SCAF8: variants seen among roughly 807,000 people sequenced by gnomAD.
SCAF8 encodes the protein SR-related and CTD-associated factor 8.
SCAF8 carries 23 observed loss-of-function variants against 140.5 expected under a neutral mutation model. The observed-to-expected ratio is 0.16, with a 90% CI of 0.12 to 0.23. The LOEUF is 0.23. Among genes scored for constraint, SCAF8 ranks in the 10% least tolerant of loss-of-function variants. The probability of loss-of-function intolerance (pLI) is 1.00; values close to 1 mark genes in which losing one functional copy is unlikely to be tolerated. For missense variants in SCAF8, 1,397 were observed against 1,555.7 expected, an observed-to-expected ratio of 0.90 and a Z score of 1.72; for synonymous variants, 575 against 528.9, an observed-to-expected ratio of 1.09 and a Z score of -1.20.
intron 4 of SCAF8, among the ~76,000 whole-genome samples, chr6:154,791,653 A>AG (rs397739239): frequency 6.6e-6 from 1 of 151,944 alleles, no homozygotes. Context: ...TTTTTAAAAA[A>AG]TGTGTTGACA....
chr6:154,783,741 A>AT (rs1777152265), intron 3 of SCAF8, among the ~76,000 whole-genome samples: 1 of 152,102 alleles, frequency 6.6e-6, no homozygotes, highest in Non-Finnish European at 1.5e-5. Context: ...TCTCTTTGAT[A>AT]TTTTTCCAGA....
intron 2 of SCAF8, among the ~76,000 whole-genome samples, chr6:154,776,486 CTTTCAGTTAAGA>C (rs1356420713): frequency 5.9e-5 from 9 of 152,110 alleles, no homozygotes; most frequent in Non-Finnish European, 7.4e-5. Context: ...AATTAATAAA[CTTTCAGTTAAGA>C]TTTATGAAGT....
chr6:154,826,065 T>C (rs981181954), intron 17 of SCAF8, among the ~76,000 whole-genome samples: 5 of 152,196 alleles, frequency 3.3e-5, no homozygotes, highest in Admixed American at 2.0e-4. Flanking sequence ...GGGTAGAGTT[T>C]TTAGCAAGAC....
intron 3 of SCAF8, among the ~76,000 whole-genome samples, chr6:154,779,790 T>C (rs1777031877): frequency 1.1e-5 from 1 of 93,866 alleles, no homozygotes; most frequent in Admixed American, 9.9e-5. Context: ...TGTATATATA[T>C]ATATATATAT....
In SCAF8 at chr6:154,733,602, G is replaced by A. The variant is rs1336502381; in HGVS notation, c.-299G>A. 4.6e-6 allele frequency: 6 copies of A among 1,290,862 alleles called. No individual in the cohort carries two copies. Among genetic ancestry groups the A allele is most frequent in the African/African-American group, 3.1e-5 (2 of 64,484 alleles). 80.0% of individuals were successfully genotyped at this position (1,290,862 alleles called of 1,614,324 possible). ...GACCGAAACGGAGCGGGGCAGAGAA[G>A]AGAAGGCGCCGCGGCCCAGCCCCTC... On this transcript the variant is annotated 5_prime_UTR_variant, in exon 1 of 20. Transcript: ENST00000367178.
chr6:154,745,308 T>C (rs1778670845), intron 1 of SCAF8, among the ~76,000 whole-genome samples: 1 of 152,256 alleles, frequency 6.6e-6, no homozygotes, highest in South Asian at 2.1e-4. Flanking sequence ...TGTATTCCTC[T>C]CAGCACACCA....
chr6:154,815,655 C>T (rs1166888503), intron 12 of SCAF8, 61 bp from the exon 13 acceptor site: 1 of 878,588 alleles, frequency 1.1e-6, no homozygotes, highest in Non-Finnish European at 1.9e-6. Flanking sequence ...TCCTCAATTA[C>T]TTTTCAAAGA....
chr6:154,739,610 C>T (rs1223689045), intron 1 of SCAF8, among the ~76,000 whole-genome samples: 1 of 152,104 alleles, frequency 6.6e-6, no homozygotes, highest in Admixed American at 6.6e-5. Flanking sequence ...GATTCTGTTA[C>T]CTTTAGTTAT....
chr6:154,768,199 G>A (rs2114836250), intron 1 of SCAF8, among the ~76,000 whole-genome samples: 1 of 152,262 alleles, frequency 6.6e-6, no homozygotes, highest in East Asian at 1.9e-4. Context: ...GGCAACTGCG[G>A]CTGAAGATCT....
At chr6:154,782,973 A>T (rs188695951) in intron 3 of SCAF8, among the ~76,000 whole-genome samples, 3 of 152,152 alleles carry the variant, frequency 2.0e-5, no homozygotes, top group African/African-American at 7.2e-5. Context: ...ATGTCCTTCA[A>T]TCCAGTCAAG....
At chr6:154,791,854 G>A (rs1777428894) in intron 4 of SCAF8, among the ~76,000 whole-genome samples, 1 of 152,102 alleles carries the variant, frequency 6.6e-6, no homozygotes, top group Non-Finnish European at 1.5e-5. Flanking sequence ...GATGATTAGA[G>A]TGTGGGTTGG....
At position 154,802,060 on chromosome 6, in the gene SCAF8, G is replaced by A; in HGVS notation, c.696G>A (p.Gln232=). Residue 232 remains glutamine, a synonymous_variant, in exon 7 of 20, where the codon CAG becomes CAA. Coordinates refer to ENST00000367178, the MANE Select transcript of SCAF8 (RefSeq NM_014892.5). Reference sequence around the variant, plus strand: ...CCCTAGATGCTGGTCTTGTTGTTCAGTTGCAAGCTCTTACGGCACAACTTA... The same window carrying A: ...CCCTAGATGCTGGTCTTGTTGTTCAATTGCAAGCTCTTACGGCACAACTTA... ...LQALDAGLVV[Q]LQALTAQLTA... 1 of 1,613,618 alleles carries A rather than the reference G, an allele frequency of 6.2e-7. No homozygotes were observed. The highest frequency in any genetic ancestry group is 1.3e-5 in the African/African-American group (1 of 75,002).
intron 7 of SCAF8, among the ~76,000 whole-genome samples, chr6:154,802,348 G>A (rs1777796281): frequency 6.6e-6 from 1 of 152,116 alleles, no homozygotes; most frequent in Non-Finnish European, 1.5e-5. Context: ...GCCAGGCACA[G>A]TGGCTCACAC....
intron 12 of SCAF8, among the ~76,000 whole-genome samples, chr6:154,813,218 AAAC>A (rs1296366424): frequency 6.6e-6 from 1 of 152,020 alleles, no homozygotes; most frequent in Non-Finnish European, 1.5e-5. Flanking sequence ...AAACAAAACA[AAAC>A]AAAAAACAGA....
chr6:154,808,569 A>C (rs1446430224), intron 10 of SCAF8, 117 bp from the exon 11 acceptor site: 9 of 648,038 alleles, frequency 1.4e-5, no homozygotes, highest in Non-Finnish European at 2.2e-5. Flanking sequence ...AAGATTGGAC[A>C]CCCCTGTATT....
At chr6:154,777,053 C>T (rs1056580946) in intron 2 of SCAF8, among the ~76,000 whole-genome samples, 14 of 152,082 alleles carry the variant, frequency 9.2e-5, no homozygotes, top group Non-Finnish European at 2.1e-4. Flanking sequence ...GGCTGGCACG[C>T]ATCTGTAGTC....
chr6:154,782,279 A>G (rs1302669549), intron 3 of SCAF8, among the ~76,000 whole-genome samples: 1 of 152,136 alleles, frequency 6.6e-6, no homozygotes, highest in African/African-American at 2.4e-5. Flanking sequence ...CAAAGTGGCA[A>G]GTGCCCGTGT....
intron 16 of SCAF8, among the ~76,000 whole-genome samples, chr6:154,823,224 A>G (rs951276847): frequency 1.3e-5 from 2 of 152,174 alleles, no homozygotes; most frequent in South Asian, 4.1e-4. Flanking sequence ...GGGTCTTTAC[A>G]TGTGACAAAA....
rs574424919 is a variant in SCAF8, at chr6:154,748,527, T to TA, written c.30+14598dup. ...TTGTCGAGATGAATTTTTACCATGTTACTTTTTTTTTTGCTGAAATGACTT... is the reference window on the plus strand; with the variant it reads ...TTGTCGAGATGAATTTTTACCATGTTAACTTTTTTTTTTGCTGAAATGACTT... On this transcript the variant is annotated intron_variant, in intron 1 of 19. Coordinates refer to ENST00000367178, the MANE Select transcript of SCAF8 (RefSeq NM_014892.5). Among the ~76,000 whole-genome samples, 18 of 152,296 alleles carry TA rather than the reference T, an allele frequency of 1.2e-4. No homozygotes were observed. The East Asian group carries it at 2.5e-3, about 21-fold the overall frequency.
Sources: allele counts gnomAD v4.1 joint callset (sites outside exome capture counted in the v4.1 genomes callset), GRCh38; gene constraint gnomAD v4.1.1; transcripts MANE v1.5; gene names NCBI Gene and HGNC (gene_info 2026-07-23, HGNC 2026-07-21).